The following UBE2E2 variants were observed in gnomAD, a reference collection of about 807,000 sequenced individuals.
The protein encoded by UBE2E2 is ubiquitin conjugating enzyme E2 E2, also known as ubiquitin-conjugating enzyme E2 E2.
Under a neutral mutation model 24.7 loss-of-function variants are expected in UBE2E2, and 6 were observed. That is an observed-to-expected ratio of 0.24 (90% CI 0.13 to 0.48). The LOEUF is 0.48. UBE2E2 is among the 20% of genes least tolerant of loss of function. The pLI, the probability that UBE2E2 is intolerant of heterozygous loss-of-function variation, is 0.99. For missense variants in UBE2E2, 169 were observed against 245.0 expected, an observed-to-expected ratio of 0.69 and a Z score of 2.07; for synonymous variants, 104 against 83.6, an observed-to-expected ratio of 1.24 and a Z score of -1.33.
intron 3 of UBE2E2, among the ~76,000 whole-genome samples, chr3:23,360,658 TG>T (rs1329845373): frequency 6.6e-6 from 1 of 151,940 alleles, no homozygotes; most frequent in Non-Finnish European, 1.5e-5. Flanking sequence ...GTCAAATAAA[TG>T]AGGTACAGCT....
At chr3:23,319,760 A>G (rs1379084955) in intron 3 of UBE2E2, among the ~76,000 whole-genome samples, 1 of 147,278 alleles carries the variant, frequency 6.8e-6, no homozygotes, top group East Asian at 1.9e-4. Context: ...GGTTGCAGTG[A>G]GTGGAGATCG....
At chr3:23,545,567 C>T (rs1695503909) in intron 5 of UBE2E2, among the ~76,000 whole-genome samples, 1 of 152,138 alleles carries the variant, frequency 6.6e-6, no homozygotes, top group African/African-American at 2.4e-5. Flanking sequence ...AATGGAGTCT[C>T]CTATGTCTAC....
intron 3 of UBE2E2, among the ~76,000 whole-genome samples, chr3:23,485,641 T>C (rs1699351849): frequency 6.6e-6 from 1 of 152,172 alleles, no homozygotes; most frequent in South Asian, 2.1e-4. Context: ...TCAGAGTATG[T>C]GGGAACTTTG....
In UBE2E2 at chr3:23,553,902, A is replaced by G. The variant is rs182500457; in HGVS notation, c.508+21201A>G. On this transcript the variant is annotated intron_variant, in intron 5 of 5. Transcript: ENST00000396703. ...ACATTGATGAAAGAAATTGAAGAAG[A>G]CACAAATAGAAAGATATTTCATGCT... 1.3e-4 allele frequency among the ~76,000 whole-genome samples: 20 copies of G among 152,310 alleles called. No individual in the cohort carries two copies. The East Asian group carries it at 3.5e-3, about 26-fold the overall frequency.
At chr3:23,569,201 CTTTGT>C (rs1460992631) in intron 5 of UBE2E2, among the ~76,000 whole-genome samples, 2 of 152,082 alleles carry the variant, frequency 1.3e-5, no homozygotes, top group Non-Finnish European at 2.9e-5. Context: ...TGAGAACATG[CTTTGT>C]AAAAGAAACC....
chr3:23,507,715 T>C (rs1575673912), intron 4 of UBE2E2, among the ~76,000 whole-genome samples: 1 of 152,224 alleles, frequency 6.6e-6, no homozygotes, highest in Non-Finnish European at 1.5e-5. Flanking sequence ...TACTTGTTCC[T>C]GGATTATACA....
rs573635757 is a variant in UBE2E2 at position 23,438,749 on chromosome 3, A to G, written c.228-60859A>G. ...TTGCTGCATGTGGTCCATCCCACAT[A>G]TAAATGGAAAAGAGAAACTTAACAT... On this transcript the variant is annotated intron_variant, in intron 3 of 5. Coordinates refer to ENST00000396703, the MANE Select transcript of UBE2E2 (RefSeq NM_152653.4). Among the ~76,000 whole-genome samples, 11 of 152,370 alleles carry G rather than the reference A, an allele frequency of 7.2e-5. No homozygotes were observed. The East Asian group carries it at 2.1e-3, about 29-fold the overall frequency.
At chr3:23,349,687 G>A (rs1457133760) in intron 3 of UBE2E2, among the ~76,000 whole-genome samples, 2 of 152,170 alleles carry the variant, frequency 1.3e-5, no homozygotes, top group East Asian at 1.9e-4. Context: ...GGGGAGGGGC[G>A]CCCGCCATTG....
intron 3 of UBE2E2, among the ~76,000 whole-genome samples, chr3:23,497,548 C>A (rs1699629147): frequency 6.6e-6 from 1 of 152,078 alleles, no homozygotes. Context: ...TTTGTGTTTG[C>A]TTACATTTCT....
intron 3 of UBE2E2, among the ~76,000 whole-genome samples, chr3:23,392,432 A>G (rs1310814047): frequency 3.9e-5 from 6 of 152,116 alleles, no homozygotes; most frequent in African/African-American, 2.4e-5. Context: ...TGGCTCTTCT[A>G]CTTACTAGCT....
Position 23,203,419 on chromosome 3 carries a change from G to C in UBE2E2, c.-54G>C. On this transcript the variant is annotated 5_prime_UTR_variant, in exon 1 of 6. Transcript: ENST00000396703. ...CTCGCGCCTGGGCAGCTCTCTCCCA[G>C]GGCTTCGGCTCGAGCCTGCGACCTG... is the stretch of plus-strand genomic sequence containing the variant. The C allele has an allele frequency of 1.0e-6, 1 of 984,014 alleles. No individual in the cohort carries two copies. Among genetic ancestry groups the C allele is most frequent in the Non-Finnish European group, 1.2e-6 (1 of 829,610 alleles). 61.0% of individuals were successfully genotyped at this position (984,014 alleles called of 1,614,324 possible).
intron 3 of UBE2E2, among the ~76,000 whole-genome samples, chr3:23,352,610 A>G (rs527963278): frequency 6.6e-6 from 1 of 152,342 alleles, no homozygotes; most frequent in African/African-American, 2.4e-5. Context: ...AAACACCTCT[A>G]CGCAAATAAA....
chr3:23,396,085 C>T (rs1030220129), intron 3 of UBE2E2, among the ~76,000 whole-genome samples: 11 of 151,806 alleles, frequency 7.2e-5, no homozygotes, highest in Admixed American at 2.0e-4. Context: ...TTGTTGTGCT[C>T]TTTAAGACTT....
intron 3 of UBE2E2, among the ~76,000 whole-genome samples, chr3:23,313,168 T>G (rs1694458953): frequency 1.3e-5 from 2 of 152,164 alleles, no homozygotes; most frequent in South Asian, 2.1e-4. Flanking sequence ...GTCTGGATGA[T>G]CTGTTATATC....
chr3:23,441,455 C>T (rs1054568905), intron 3 of UBE2E2, among the ~76,000 whole-genome samples: 20 of 145,738 alleles, frequency 1.4e-4, no homozygotes, highest in Admixed American at 4.9e-4. Context: ...CAGGGAATGG[C>T]GTGAACCCGG....
At chr3:23,504,386 T>A (rs1442971851) in intron 4 of UBE2E2, among the ~76,000 whole-genome samples, 1 of 152,244 alleles carries the variant, frequency 6.6e-6, no homozygotes, top group East Asian at 1.9e-4. Flanking sequence ...TAATCAGTGA[T>A]GTGATGAACA....
chr3:23,532,118 T>C (rs1361437178), intron 4 of UBE2E2, among the ~76,000 whole-genome samples: 5 of 151,958 alleles, frequency 3.3e-5, no homozygotes, highest in Admixed American at 6.6e-5. Flanking sequence ...TTTCTTTGTA[T>C]TAGTACTCTC....
intron 3 of UBE2E2, among the ~76,000 whole-genome samples, chr3:23,361,179 A>C (rs147553978): frequency 3.2e-4 from 49 of 152,306 alleles, no homozygotes; most frequent in Admixed American, 3.1e-3. Context: ...AAAAAATAAT[A>C]GATGTTGGTG....
At chr3:23,564,698 G>A (rs900211653) in intron 5 of UBE2E2, among the ~76,000 whole-genome samples, 5 of 152,226 alleles carry the variant, frequency 3.3e-5, no homozygotes, top group African/African-American at 4.8e-5. Context: ...GCACATCCAC[G>A]GGGTAGAAAG....
Sources: allele counts gnomAD v4.1 joint callset (sites outside exome capture counted in the v4.1 genomes callset), GRCh38; gene constraint gnomAD v4.1.1; transcripts MANE v1.5; gene names NCBI Gene and HGNC (gene_info 2026-07-23, HGNC 2026-07-21).